The following SNX8 variants were observed in gnomAD, a reference collection of about 807,000 sequenced individuals.
The protein encoded by SNX8 is sorting nexin-8.
SNX8 carries 25 observed loss-of-function variants against 51.6 expected under a neutral mutation model. The ratio of observed to expected loss-of-function variants is 0.48; its 90% CI spans 0.35 to 0.68. SNX8 has a LOEUF of 0.68. Among genes scored for constraint, SNX8 ranks in the 30% least tolerant of loss-of-function variants. SNX8 has a pLI of 0.00. For missense variants in SNX8, 695 were observed against 624.0 expected, an observed-to-expected ratio of 1.11 and a Z score of -1.21; for synonymous variants, 324 against 277.0, an observed-to-expected ratio of 1.17 and a Z score of -1.68.
In SNX8 at chr7:2,270,314, CAAAAA is replaced by C. The variant is rs57983721; in HGVS notation, c.541-680_541-676del. Reference sequence around the variant, plus strand: ...ATCATCTGACTCAACTCTCATTTTACAAAAAAAAAAAAAAAAAAAAAAAAAAAGAC... The same window carrying C: ...ATCATCTGACTCAACTCTCATTTTACAAAAAAAAAAAAAAAAAAAAAAGAC... On this transcript the variant is annotated intron_variant, in intron 4 of 10. Coordinates refer to ENST00000222990, the MANE Select transcript of SNX8 (RefSeq NM_013321.4). 2.1e-4 allele frequency among the ~76,000 whole-genome samples: 12 copies of C among 57,086 alleles called. 1 individual carries two copies. In the Admixed American group the frequency reaches 2.9e-3, roughly 14 times the overall value. The allele number at this position is 57,086 out of a possible 152,430, so 37.5% of individuals were successfully genotyped here.
Position 2,254,969 on chromosome 7 carries a change from T to C in SNX8, c.*87A>G. 2 of 924,342 alleles carry C rather than the reference T, an allele frequency of 2.2e-6. No homozygotes were observed. The highest frequency in any genetic ancestry group is 3.3e-5 in the African/African-American group (2 of 61,352). The allele number at this position is 924,342 out of a possible 1,614,324, so 57.3% of individuals were successfully genotyped here. ...CACGGGGCGTGGCGGGGAGGGGAGC[T>C]GCCGTCCAAAGGGAATTACACCGGG... On this transcript the variant is annotated 3_prime_UTR_variant, in exon 11 of 11. Transcript: ENST00000222990.
chr7:2,317,306 T>G (rs1796773179), upstream of SNX8, among the ~76,000 whole-genome samples: 1 of 117,274 alleles, frequency 8.5e-6, no homozygotes, highest in Admixed American at 1.0e-4. Context: ...TGAGACAGAG[T>G]CTCACTCTGT....
At chr7:2,263,199 A>G in intron 7 of SNX8, 31 bp downstream of exon 7, 2 of 1,612,208 alleles carry the variant, frequency 1.2e-6, no homozygotes, top group Non-Finnish European at 1.7e-6. Context: ...TGTTCTCTGG[A>G]ACAGGCGCCT....
intron 6 of SNX8, among the ~76,000 whole-genome samples, chr7:2,263,939 C>T (rs555501207): frequency 2.0e-5 from 3 of 152,168 alleles, no homozygotes; most frequent in Non-Finnish European, 1.5e-5. Context: ...TGATCTTGAA[C>T]TCCTGACCTC....
At chr7:2,353,928 C>T (rs1036211302) in intron 1 of SNX8, among the ~76,000 whole-genome samples, 6 of 152,264 alleles carry the variant, frequency 3.9e-5, no homozygotes, top group East Asian at 3.9e-4. Flanking sequence ...ATTAAGACAT[C>T]CCCCAACCAG....
chr7:2,275,383 T>C (rs1365181929), intron 2 of SNX8, among the ~76,000 whole-genome samples, 154 bp from the exon 3 acceptor site: 2 of 152,208 alleles, frequency 1.3e-5, no homozygotes, highest in South Asian at 2.1e-4. Context: ...GCTTCGTATA[T>C]GGAAATACAA....
At chr7:2,271,998 CAG>C in intron 3 of SNX8, 27 bp from the exon 4 acceptor site, 6 of 1,612,978 alleles carry the variant, frequency 3.7e-6, no homozygotes, top group Non-Finnish European at 5.1e-6. Context: ...GGTCACTGGA[CAG>C]AGTCCAGGGC....
intron 1 of SNX8, among the ~76,000 whole-genome samples, chr7:2,308,808 G>C (rs1796604008): frequency 7.0e-6 from 1 of 143,828 alleles, no homozygotes; most frequent in African/African-American, 2.6e-5. Context: ...TTTTGAGCTG[G>C]AGTCTTGTTC....
intron 1 of SNX8, among the ~76,000 whole-genome samples, chr7:2,296,459 C>T (rs896450735): frequency 1.3e-5 from 2 of 151,940 alleles, no homozygotes; most frequent in African/African-American, 4.9e-5. Context: ...ATTCTTTTCT[C>T]AAATCTAGGA....
At chr7:2,277,924 G>T (rs1285063413) in intron 2 of SNX8, among the ~76,000 whole-genome samples, 176 bp downstream of exon 2, 1 of 152,120 alleles carries the variant, frequency 6.6e-6, no homozygotes, top group East Asian at 1.9e-4. Context: ...GAGCAGAGGT[G>T]TGGAAAAGTC....
intron 1 of SNX8, among the ~76,000 whole-genome samples, chr7:2,286,162 C>T (rs920265555): frequency 1.3e-5 from 2 of 151,848 alleles, no homozygotes; most frequent in South Asian, 4.2e-4. Flanking sequence ...CAGGCACACA[C>T]CACCACACCT....
intron 10 of SNX8, among the ~76,000 whole-genome samples, chr7:2,256,407 G>A (rs1436803450): frequency 6.6e-6 from 1 of 152,256 alleles, no homozygotes; most frequent in Non-Finnish European, 1.5e-5. Flanking sequence ...GCTGCAGTGA[G>A]CTGGCCACCA....
At chr7:2,353,151 C>T (rs993715164) in intron 1 of SNX8, among the ~76,000 whole-genome samples, 4 of 152,046 alleles carry the variant, frequency 2.6e-5, no homozygotes, top group South Asian at 2.1e-4. Flanking sequence ...TAGCTGGGCA[C>T]GGTGGCACAT....
At chr7:2,314,518 GCC>G (rs1796723546), upstream of SNX8, 1 of 1,083,764 alleles carries the variant, frequency 9.2e-7, no homozygotes, top group Non-Finnish European at 1.1e-6. Context: ...GCCTGGTCAC[GCC>G]CCCTCCCCCG....
At chr7:2,336,902 C>T (rs571439165) in intron 1 of SNX8, among the ~76,000 whole-genome samples, 20 of 143,636 alleles carry the variant, frequency 1.4e-4, no homozygotes, top group African/African-American at 3.9e-4. Flanking sequence ...CCAGCTACTC[C>T]GGAGCCTGAG....
intron 1 of SNX8, among the ~76,000 whole-genome samples, chr7:2,347,033 G>A (rs554136314): frequency 1.8e-4 from 27 of 152,068 alleles, no homozygotes; most frequent in African/African-American, 6.3e-4. Context: ...AGGGCAGAAA[G>A]TCAAATAAGT....
chr7:2,319,524 G>C (rs1796801632), intron 1 of SNX8, among the ~76,000 whole-genome samples: 1 of 146,576 alleles, frequency 6.8e-6, no homozygotes, highest in Non-Finnish European at 1.5e-5. Context: ...ACAAAAATTA[G>C]CTAGGTGTGG....
At chr7:2,258,042 GCT>G (rs1795237039) in intron 7 of SNX8, among the ~76,000 whole-genome samples, 1 of 135,622 alleles carries the variant, frequency 7.4e-6, no homozygotes, top group Non-Finnish European at 1.5e-5. Context: ...CGGAGTCTTC[GCT>G]CTGTCGCCCA....
intron 1 of SNX8, among the ~76,000 whole-genome samples, chr7:2,341,320 A>G (rs1475721326): frequency 2.0e-5 from 3 of 150,564 alleles, no homozygotes; most frequent in East Asian, 2.0e-4. Context: ...CCAACATGGC[A>G]AAATCCCTTC....
Sources: allele counts gnomAD v4.1 joint callset (sites outside exome capture counted in the v4.1 genomes callset), GRCh38; gene constraint gnomAD v4.1.1; transcripts MANE v1.5; gene names NCBI Gene and HGNC (gene_info 2026-07-23, HGNC 2026-07-21).